Variants in FUT8 observed in about 807,000 individuals in gnomAD.
The protein encoded by FUT8 is alpha-(1,6)-fucosyltransferase.
Under a neutral mutation model 71.3 loss-of-function variants are expected in FUT8, and 29 were observed. The ratio of observed to expected loss-of-function variants is 0.41; its 90% confidence interval spans 0.30 to 0.55. The LOEUF is 0.55. Among genes scored for constraint, FUT8 ranks in the 20% least tolerant of loss-of-function variants. FUT8 has a pLI of 0.34. For missense variants in FUT8, 544 were observed against 702.1 expected (o/e 0.77, Z 2.55); for synonymous variants, 254 against 239.3 (o/e 1.06, Z -0.57).
chr14:65,482,315 G>GTTTTTTCCT (rs991333247), intron 2 of FUT8, among the ~76,000 whole-genome samples: 2 of 151,762 alleles, frequency 1.3e-5, no homozygotes, highest in Non-Finnish European at 2.9e-5. Context: ...TTGTTCCACT[G>GTTTTTTCCT]ACCTCTTTGT....
intron 2 of FUT8, among the ~76,000 whole-genome samples, chr14:65,532,950 T>C (rs1884056879): frequency 6.6e-6 from 1 of 152,212 alleles, no homozygotes; most frequent in South Asian, 2.1e-4. Context: ...GTTGTAGATA[T>C]GCAGTCTTAT....
At chr14:65,447,221 G>C (rs895047168) in intron 1 of FUT8, among the ~76,000 whole-genome samples, 2 of 151,456 alleles carry the variant, frequency 1.3e-5, no homozygotes, top group Admixed American at 1.3e-4. Context: ...GCTCCTGGGA[G>C]GCAGAGGCTG....
intron 7 of FUT8, among the ~76,000 whole-genome samples, chr14:65,706,978 T>A (rs1012451883): frequency 6.6e-6 from 1 of 152,204 alleles, no homozygotes; most frequent in African/African-American, 2.4e-5. Flanking sequence ...TGAAACGTTT[T>A]CTTGCTGGAA....
At chr14:65,369,587 G>T in the FUT8 span, among the ~76,000 whole-genome samples, 1 of 152,202 alleles carries the variant, frequency 6.6e-6, no homozygotes, top group Non-Finnish European at 1.5e-5. This position sits in a 1 kb window ranked among gnomAD's most constrained non-coding sequence, Gnocchi z 4.6. Context: ...AACCAAGATG[G>T]TGACAAAAGT....
At chr14:65,738,599 A>G (rs974105690) in intron 10 of FUT8, among the ~76,000 whole-genome samples, 2 of 152,120 alleles carry the variant, frequency 1.3e-5, no homozygotes, top group Admixed American at 6.5e-5. Flanking sequence ...GCTCTCAGTC[A>G]TGCCACCTGT....
At chr14:65,492,316 G>A (rs1418390363) in intron 2 of FUT8, among the ~76,000 whole-genome samples, 1 of 152,098 alleles carries the variant, frequency 6.6e-6, no homozygotes, top group Admixed American at 6.6e-5. Context: ...ACAAGTGGAG[G>A]CATATTGTGA....
chr14:65,427,437 A>G (rs1389325896), intron 1 of FUT8, among the ~76,000 whole-genome samples: 2 of 152,130 alleles, frequency 1.3e-5, no homozygotes, highest in Admixed American at 6.5e-5. Context: ...CCTTTTCTCC[A>G]CATCCTCATC....
At chr14:65,418,758 G>T (rs188952849) in intron 1 of FUT8, among the ~76,000 whole-genome samples, 1 of 152,048 alleles carries the variant, frequency 6.6e-6, no homozygotes, top group African/African-American at 2.4e-5. Context: ...TAAGAAATGC[G>T]GGAATTGACC....
intron 2 of FUT8, among the ~76,000 whole-genome samples, chr14:65,461,431 G>A (rs1393143184): frequency 6.6e-6 from 1 of 152,152 alleles, no homozygotes; most frequent in Non-Finnish European, 1.5e-5. Flanking sequence ...ACTCAGTATA[G>A]GGGACATGTA....
intron 7 of FUT8, among the ~76,000 whole-genome samples, chr14:65,684,510 CA>C (rs1156631823): frequency 6.6e-6 from 1 of 152,136 alleles, no homozygotes; most frequent in Admixed American, 6.5e-5. Context: ...GAAATGGTTC[CA>C]AAAGCTATAT....
At chr14:65,726,942 C>CAT (rs1895715041) in intron 9 of FUT8, among the ~76,000 whole-genome samples, 1 of 152,150 alleles carries the variant, frequency 6.6e-6, no homozygotes, top group Admixed American at 6.5e-5. Context: ...GCTACAGGCC[C>CAT]CATGCAAGTC....
chr14:65,476,568 G>T (rs1229571252), intron 2 of FUT8, among the ~76,000 whole-genome samples: 6 of 151,908 alleles, frequency 3.9e-5, no homozygotes, highest in African/African-American at 1.5e-4. Context: ...TGTCTAGAGG[G>T]TCAGGAAAGG....
chr14:65,666,573 A>G (rs1204389098), intron 6 of FUT8, among the ~76,000 whole-genome samples: 2 of 152,116 alleles, frequency 1.3e-5, no homozygotes, highest in Admixed American at 1.3e-4. Flanking sequence ...CCAGGACCAG[A>G]TAGCTAAATT....
chr14:65,588,196 C>CTG (rs1167804418), intron 3 of FUT8, among the ~76,000 whole-genome samples: 1 of 152,172 alleles, frequency 6.6e-6, no homozygotes, highest in Non-Finnish European at 1.5e-5. Context: ...CTGTTCTCCC[C>CTG]TGTACCCTAT....
At chr14:65,556,718 A>T (rs1885603709) in intron 2 of FUT8, among the ~76,000 whole-genome samples, 1 of 152,232 alleles carries the variant, frequency 6.6e-6, no homozygotes, top group South Asian at 2.1e-4. Flanking sequence ...TGCCTACAAC[A>T]GCATGTGGCA....
the FUT8 span, among the ~76,000 whole-genome samples, chr14:65,358,064 AG>A: frequency 6.6e-6 from 1 of 152,158 alleles, no homozygotes; most frequent in Admixed American, 6.5e-5. Context: ...AGAACAGGAG[AG>A]GTTGGTCAAC....
intron 7 of FUT8, among the ~76,000 whole-genome samples, chr14:65,694,824 A>G (rs1281001677): frequency 2.1e-5 from 3 of 144,508 alleles, no homozygotes; most frequent in African/African-American, 7.7e-5. Context: ...ATTCTCACTT[A>G]TAGGTGGGAA....
At chr14:65,663,638 T>C (rs1365953208) in intron 6 of FUT8, among the ~76,000 whole-genome samples, 1 of 152,146 alleles carries the variant, frequency 6.6e-6, no homozygotes, top group Non-Finnish European at 1.5e-5. Flanking sequence ...CTTATATGTA[T>C]AGACCTTTCT....
At chr14:65,364,995 G>T in the FUT8 span, among the ~76,000 whole-genome samples, 1 of 152,074 alleles carries the variant, frequency 6.6e-6, no homozygotes, top group Non-Finnish European at 1.5e-5. Flanking sequence ...GGTACAGTGT[G>T]TACCTTTTGA....
Sources: gnomAD v4.1 joint callset for allele counts (sites outside exome capture counted in the v4.1 genomes callset) on GRCh38, gnomAD v4.1.1 for gene constraint, Gnocchi (gnomAD v3.1) non-coding constraint, MANE v1.5 for transcripts, NCBI Gene and HGNC (gene_info 2026-07-23, HGNC 2026-07-21) for gene names.